Variants in ADGRB1 observed in about 807,000 individuals in gnomAD.
ADGRB1 encodes the protein brain-specific angiogenesis inhibitor 1.
ADGRB1 carries 36 observed loss-of-function variants against 175.7 expected under a neutral mutation model. That is an observed-to-expected ratio of 0.20 (90% CI 0.16 to 0.27). The LOEUF (loss-of-function observed/expected upper bound fraction) is 0.27. ADGRB1 is among the 10% of genes least tolerant of loss of function. ADGRB1 has a pLI of 1.00. For synonymous variants in ADGRB1, 1,054 were observed against 979.4 expected (o/e 1.08, Z -1.42); for missense variants, 1,731 against 2,255.3 (o/e 0.77, Z 4.71).
intron 18 of ADGRB1, among the ~76,000 whole-genome samples, chr8:142,516,212 G>A (rs1479652324): frequency 6.7e-6 from 1 of 149,498 alleles, no homozygotes; most frequent in Non-Finnish European, 1.5e-5. Context: ...GTGCATGCGT[G>A]TGTGCGGGCC....
intron 17 of ADGRB1, among the ~76,000 whole-genome samples, chr8:142,505,897 G>T (rs1218062978): frequency 1.3e-5 from 2 of 152,194 alleles, no homozygotes; most frequent in Non-Finnish European, 2.9e-5. Flanking sequence ...TAGCTGGTGG[G>T]CAGCTGCAGG....
At chr8:142,502,204 T>C (rs1842611794) in intron 17 of ADGRB1, among the ~76,000 whole-genome samples, 1 of 64,306 alleles carries the variant, frequency 1.6e-5, no homozygotes, top group East Asian at 5.0e-4. Flanking sequence ...ACAGTGGAGG[T>C]GGTGGTGGTG....
intron 18 of ADGRB1, among the ~76,000 whole-genome samples, chr8:142,514,224 G>C (rs1039359701): frequency 1.3e-5 from 2 of 152,080 alleles, no homozygotes; most frequent in East Asian, 3.9e-4. Flanking sequence ...GCCTGAGATG[G>C]TGGTAGAGGC....
intron 1 of ADGRB1, among the ~76,000 whole-genome samples, chr8:142,454,152 G>A (rs774557793): frequency 4.6e-5 from 7 of 152,138 alleles, no homozygotes; most frequent in Admixed American, 3.9e-4. Context: ...GTCATAGGGC[G>A]CGTCAGGAGG....
Position 142,464,272 on chromosome 8 carries a change from G to A in ADGRB1, c.74G>A (p.Gly25Glu). Residue 25 changes from glycine to glutamate, a missense_variant, in exon 2 of 31, where the codon GGA becomes GAA. By Grantham distance (98) the Gly-to-Glu change is moderately conservative (BLOSUM62 -2). Transcript: ENST00000517894. Reference protein sequence around the residue: ...APLLLLLLLLGRRARAAAGAD... With the variant: ...APLLLLLLLLERRARAAAGAD... ...CTGCTACTGCTGCTGCTGCTGCTGG[G>A]ACGCCGCGCGCGGGCGGCCGCCGGA... is the stretch of plus-strand genomic sequence containing the variant. 7.3e-7 allele frequency: 1 copy of A among 1,361,378 alleles called. No individual in the cohort carries two copies. 84.3% of individuals were successfully genotyped at this position (1,361,378 alleles called of 1,614,324 possible).
At chr8:142,530,498 CT>C (rs911659160) in intron 24 of ADGRB1, among the ~76,000 whole-genome samples, 10 of 152,280 alleles carry the variant, frequency 6.6e-5, no homozygotes, top group African/African-American at 2.4e-4. Context: ...TCCTGCTTTG[CT>C]CCCTGAGCCA....
intron 25 of ADGRB1, 28 bp from the exon 26 acceptor site, chr8:142,536,959 A>T: frequency 6.4e-7 from 1 of 1,553,304 alleles, no homozygotes; most frequent in Non-Finnish European, 8.7e-7. Context: ...CGTGGCTGCC[A>T]CTGAGGTGCT....
rs748547920 is a variant in ADGRB1 at position 142,538,348 on chromosome 8, G to A, written c.3667-1026G>A. 5.3e-5 allele frequency among the ~76,000 whole-genome samples: 8 copies of A among 152,326 alleles called. 1 individual carries two copies. The highest frequency in any genetic ancestry group is 6.8e-3 in the Middle Eastern group (2 of 294). On this transcript the variant is annotated intron_variant, in intron 26 of 30. Transcript: ENST00000517894. ...CCCCGGGTGAGGGTGAGGTCCTTCA[G>A]TGAGAGACGGCCACTTCGGCTCTTG...
At chr8:142,483,113 C>T (rs1841452461) in intron 11 of ADGRB1, among the ~76,000 whole-genome samples, 3 of 150,338 alleles carry the variant, frequency 2.0e-5, no homozygotes, top group African/African-American at 7.4e-5. Context: ...TGGTCACCTG[C>T]TGAACCCTGA....
Position 142,484,709 on chromosome 8 carries a change from C to T in ADGRB1, c.2253C>T (p.Val751=). Residue 751 remains valine, a synonymous_variant, in exon 13 of 31, where the codon GTC becomes GTT. Coordinates refer to ENST00000517894, the MANE Select transcript of ADGRB1 (RefSeq NM_001702.3). ...LFRLVEDFVD[V]IGFRMKDLRD... is the part of the protein sequence containing the mutation. ...GGCTGGTGGAGGACTTTGTGGACGT[C>T]ATCGGCTTCCGCATGAAGGACCTGA... The T allele has an allele frequency of 3.7e-6, 6 of 1,612,276 alleles. No individual in the cohort carries two copies. Among genetic ancestry groups the T allele is most frequent in the Non-Finnish European group, 5.1e-6 (6 of 1,179,368 alleles).
At position 142,537,038 on chromosome 8, in the gene ADGRB1, G is replaced by A. The variant is rs755924112; in HGVS notation, c.3622G>A (p.Gly1208Arg). The A allele has an allele frequency of 1.3e-5, 21 of 1,585,502 alleles. No individual in the cohort carries two copies. Among genetic ancestry groups the A allele is most frequent in the African/African-American group, 4.1e-5 (3 of 73,732 alleles). ...RVVDRQEEGN[G>R]DSGGSFQNGH... is the part of the protein sequence containing the mutation. ...GGTTGACCGGCAGGAGGAGGGCAAC[G>A]GGGACTCAGGGGGCTCCTTCCAGAA... Residue 1208 changes from glycine (G) to arginine (R), a missense_variant, in exon 26 of 31, where the codon GGG (glycine) becomes AGG (arginine). By Grantham distance (125) the Gly-to-Arg change is moderately radical (BLOSUM62 -2). Transcript: ENST00000517894. The surrounding 1 kb of genome is among the most constrained non-coding windows in gnomAD (Gnocchi z 4.6).
intron 1 of ADGRB1, among the ~76,000 whole-genome samples, chr8:142,452,016 C>A (rs1839380639): frequency 6.6e-6 from 1 of 152,104 alleles, no homozygotes; most frequent in South Asian, 2.1e-4. Context: ...CGCGCACAGT[C>A]GGGGCCTTGG....
intron 1 of ADGRB1, among the ~76,000 whole-genome samples, chr8:142,458,101 G>A (rs1192538245): frequency 6.9e-6 from 1 of 145,160 alleles, no homozygotes; most frequent in African/African-American, 2.5e-5. Flanking sequence ...GTCTGGGGAT[G>A]CCATTGGTGG....
In ADGRB1 at chr8:142,542,838, G is replaced by T. The variant is rs1845362414; in HGVS notation, c.4413+191G>T. Among the ~76,000 whole-genome samples the T allele has an allele frequency of 6.6e-6, 1 of 152,118 alleles. No individual in the cohort carries two copies. Among genetic ancestry groups the T allele is most frequent in the African/African-American group, 2.4e-5 (1 of 41,424 alleles). On this transcript the variant is annotated intron_variant, in intron 28 of 30. Coordinates refer to ENST00000517894, the MANE Select transcript of ADGRB1 (RefSeq NM_001702.3). The surrounding 1 kb of genome is among the most constrained non-coding windows in gnomAD (Gnocchi z 6.3). ...GACGTGTGGTCCCCACCCTAGGCTTGGCAGGGTGGTCTCACCCCGTTTCAA... is the reference window on the plus strand; with the variant it reads ...GACGTGTGGTCCCCACCCTAGGCTTTGCAGGGTGGTCTCACCCCGTTTCAA...
chr8:142,457,095 G>A (rs756866074), intron 1 of ADGRB1, among the ~76,000 whole-genome samples: 12 of 152,178 alleles, frequency 7.9e-5, no homozygotes, highest in Non-Finnish European at 1.5e-4. Context: ...CCTAGACTAC[G>A]GGAGATGCAG....
At chr8:142,540,567 C>G (rs941921539) in intron 27 of ADGRB1, among the ~76,000 whole-genome samples, 1 of 152,164 alleles carries the variant, frequency 6.6e-6, no homozygotes, top group African/African-American at 2.4e-5. Flanking sequence ...GGGCCTGGGC[C>G]TGGGGGGAGC....
At chr8:142,470,327 G>A (rs1478510853) in intron 2 of ADGRB1, among the ~76,000 whole-genome samples, 2 of 151,982 alleles carry the variant, frequency 1.3e-5, no homozygotes, top group African/African-American at 4.8e-5. Flanking sequence ...GAATTTTATT[G>A]CACGAGCGAC....
intron 1 of ADGRB1, among the ~76,000 whole-genome samples, chr8:142,460,475 G>A (rs1029223893): frequency 3.3e-5 from 5 of 152,232 alleles, no homozygotes; most frequent in Admixed American, 2.6e-4. Flanking sequence ...GAGCAGCTCA[G>A]TCCGAGATGT....
rs759771869 is a variant in ADGRB1 at position 142,536,970 on chromosome 8, C to T, written c.3571-17C>T. ...GGGGCGTGGCTGCCACTGAGGTGCT[C>T]GGCTCTCCCTCCCCAGGTCCAGGAC... On this transcript the variant is annotated splice_polypyrimidine_tract_variant and intron_variant, in intron 25 of 30. Coordinates refer to ENST00000517894, the MANE Select transcript of ADGRB1 (RefSeq NM_001702.3). The T allele has an allele frequency of 3.0e-5, 47 of 1,567,554 alleles. No individual in the cohort carries two copies. The highest frequency in any genetic ancestry group is 1.3e-4 in the Admixed American group (7 of 54,262).
Sources: allele counts gnomAD v4.1 joint callset (sites outside exome capture counted in the v4.1 genomes callset), GRCh38; gene constraint gnomAD v4.1.1; non-coding constraint Gnocchi (gnomAD v3.1); transcripts MANE v1.5; gene names NCBI Gene and HGNC (gene_info 2026-07-23, HGNC 2026-07-21).